Variants in NBEA observed in about 807,000 individuals in gnomAD.
NBEA encodes the protein neurobeachin, also known as lysosomal-trafficking regulator 2.
Under a neutral mutation model 343.4 loss-of-function variants are expected in NBEA, and 44 were observed. The ratio of observed to expected loss-of-function variants is 0.13; its 90% CI spans 0.10 to 0.16. The LOEUF is 0.16. NBEA is among the 10% of genes least tolerant of loss of function. The pLI is 1.00. For missense variants in NBEA, 2,555 were observed against 3,631.3 expected, an observed-to-expected ratio of 0.70 and a Z score of 7.62; for synonymous variants, 1,175 against 1,238.7, an observed-to-expected ratio of 0.95 and a Z score of 1.08.
chr13:35,469,353 T>C (rs2075542426), intron 40 of NBEA, among the ~76,000 whole-genome samples: 1 of 152,174 alleles, frequency 6.6e-6, no homozygotes, highest in African/African-American at 2.4e-5. Flanking sequence ...GAGAAGTTAT[T>C]ATTTTAAAGA....
intron 11 of NBEA, among the ~76,000 whole-genome samples, chr13:35,099,082 G>A (rs1011361711): frequency 2.0e-5 from 3 of 146,938 alleles, no homozygotes; most frequent in African/African-American, 5.1e-5. Flanking sequence ...GTGGAGTGCA[G>A]TGGCATGATC....
Position 35,531,686 on chromosome 13 carries a change from C to A in NBEA, c.6586-18791C>A, listed in dbSNP as rs932915581. Among the ~76,000 whole-genome samples the A allele has an allele frequency of 2.6e-5, 4 of 152,140 alleles. No individual in the cohort carries two copies. In the South Asian group the frequency reaches 8.3e-4, roughly 31 times the overall value. ...GAAAAGTGTTAGTGAGCACACAGTT[C>A]CCATAGATAGAGCATTTCAATATAA... On this transcript the variant is annotated intron_variant, in intron 41 of 58. Coordinates refer to ENST00000379939, the MANE Select transcript of NBEA (RefSeq NM_001385012.1).
At chr13:35,310,376 C>T (rs1002528271) in intron 36 of NBEA, among the ~76,000 whole-genome samples, 4 of 152,054 alleles carry the variant, frequency 2.6e-5, no homozygotes, top group Admixed American at 6.6e-5. Context: ...CGTTTTTATC[C>T]GGTCAGTGGC....
intron 43 of NBEA, among the ~76,000 whole-genome samples, chr13:35,552,524 T>C (rs2079377825): frequency 6.6e-6 from 1 of 152,254 alleles, no homozygotes; most frequent in South Asian, 2.1e-4. Context: ...AGACTTGTTC[T>C]TATTGAATCT....
rs1024401804 is a variant in NBEA at position 35,309,533 on chromosome 13, G to T, written c.5844G>T (p.Trp1948Cys). Residue 1948 changes from tryptophan to cysteine, a missense_variant, in exon 36 of 59, where the codon TGG (tryptophan) becomes TGT (cysteine). Around this residue, in one of 21 missense-constraint regions of NBEA, gnomAD observed 84 missense variants for 196.4 expected, o/e 0.43. Transcript: ENST00000379939. ...GTTTTGGTTTCTCCTTTTAGGAATG[G>T]CAAAACTCTATTCAGAAGAATGCAG... ...ELVMLLCSQE[W>C]QNSIQKNAGL... The T allele has an allele frequency of 6.3e-7, 1 of 1,584,904 alleles. No homozygotes were observed. The highest frequency in any genetic ancestry group is 1.4e-5 in the African/African-American group (1 of 74,024).
At chr13:35,450,969 A>C (rs1157320950) in intron 39 of NBEA, among the ~76,000 whole-genome samples, 1 of 152,228 alleles carries the variant, frequency 6.6e-6, no homozygotes, top group African/African-American at 2.4e-5. Flanking sequence ...TTGAATGTAA[A>C]TATGAAAACA....
intron 38 of NBEA, among the ~76,000 whole-genome samples, chr13:35,364,785 A>T (rs933433440): frequency 6.6e-5 from 10 of 151,820 alleles, no homozygotes; most frequent in African/African-American, 2.4e-4. Context: ...CTGACAGATA[A>T]TCCCAAATGA....
At chr13:35,497,179 A>C (rs547394519) in intron 41 of NBEA, among the ~76,000 whole-genome samples, 1 of 152,214 alleles carries the variant, frequency 6.6e-6, no homozygotes, top group East Asian at 1.9e-4. Context: ...TTGCCACTTA[A>C]AGTGATTCAC....
At chr13:35,593,983 C>T (rs1329767731) in intron 47 of NBEA, among the ~76,000 whole-genome samples, 1 of 152,126 alleles carries the variant, frequency 6.6e-6, no homozygotes, top group Non-Finnish European at 1.5e-5. Context: ...TATCCAGAAA[C>T]AGCCAGAGAG....
At chr13:35,187,859 C>T (rs1250334903) in intron 30 of NBEA, among the ~76,000 whole-genome samples, 1 of 152,058 alleles carries the variant, frequency 6.6e-6, no homozygotes, top group Non-Finnish European at 1.5e-5. Flanking sequence ...AACCATCAGA[C>T]TACCTTCTAG....
chr13:35,177,659 A>G (rs1248670126), intron 28 of NBEA, among the ~76,000 whole-genome samples: 5 of 151,844 alleles, frequency 3.3e-5, no homozygotes, highest in Non-Finnish European at 7.4e-5. Flanking sequence ...CCAGGCAAAT[A>G]AAAATAAGAT....
At chr13:35,090,552 G>A (rs2065030110) in intron 10 of NBEA, among the ~76,000 whole-genome samples, 1 of 151,910 alleles carries the variant, frequency 6.6e-6, no homozygotes, top group Non-Finnish European at 1.5e-5. Flanking sequence ...TATTAGGGAT[G>A]TGGTGGCATA....
At chr13:35,270,796 G>A (rs1006763362) in intron 34 of NBEA, among the ~76,000 whole-genome samples, 1 of 152,212 alleles carries the variant, frequency 6.6e-6, no homozygotes, top group Non-Finnish European at 1.5e-5. Flanking sequence ...CCACTGCTGA[G>A]GCTTTAGTAG....
chr13:35,078,594 C>T (rs2064225434), intron 10 of NBEA, among the ~76,000 whole-genome samples: 2 of 152,248 alleles, frequency 1.3e-5, no homozygotes, highest in African/African-American at 4.8e-5. Flanking sequence ...AATATATGTC[C>T]TGGAAGTGGG....
At chr13:35,557,072 A>G (rs1796254454) in intron 44 of NBEA, among the ~76,000 whole-genome samples, 1 of 152,012 alleles carries the variant, frequency 6.6e-6, no homozygotes, top group Admixed American at 6.6e-5. Context: ...GAGCTGTTGG[A>G]TATAAAACTG....
rs1404194345 is a variant in NBEA at position 35,308,636 on chromosome 13, A to T, written c.5839-892A>T. On this transcript the variant is annotated intron_variant, in intron 35 of 58. Coordinates refer to ENST00000379939, the MANE Select transcript of NBEA (RefSeq NM_001385012.1). ...TATATATATGCACACACACACACAG[A>T]TATATATATGTATTTAAAACCCCAT... is the stretch of plus-strand genomic sequence containing the variant. Among the ~76,000 whole-genome samples, 6 of 99,878 alleles carry T rather than the reference A, an allele frequency of 6.0e-5. No individual in the cohort carries two copies. In the East Asian group the frequency reaches 1.9e-3, roughly 32 times the overall value. 65.5% of individuals were successfully genotyped at this position (99,878 alleles called of 152,430 possible).
intron 1 of NBEA, among the ~76,000 whole-genome samples, chr13:35,013,933 C>T (rs572553355): frequency 5.3e-5 from 8 of 152,002 alleles, no homozygotes; most frequent in African/African-American, 1.9e-4. Flanking sequence ...TCTGCTTTAA[C>T]ATGTATAATT....
At chr13:35,006,614 G>T (rs1197464868) in intron 1 of NBEA, among the ~76,000 whole-genome samples, 1 of 152,066 alleles carries the variant, frequency 6.6e-6, no homozygotes, top group Non-Finnish European at 1.5e-5. Flanking sequence ...CTGAAACATA[G>T]ATTTTAGTAT....
chr13:35,282,067 C>G (rs1428770656), intron 34 of NBEA, among the ~76,000 whole-genome samples: 1 of 151,532 alleles, frequency 6.6e-6, no homozygotes, highest in Non-Finnish European at 1.5e-5. Flanking sequence ...CGCCTGCTAC[C>G]ACGCCCGGCT....
Sources: allele counts gnomAD v4.1 joint callset (sites outside exome capture counted in the v4.1 genomes callset), GRCh38; gene constraint gnomAD v4.1.1; regional missense constraint gnomAD v4.1.1; transcripts MANE v1.5; gene names NCBI Gene and HGNC (gene_info 2026-07-23, HGNC 2026-07-21).